Variants in COL4A1 observed in about 807,000 individuals in gnomAD.
COL4A1 encodes collagen type IV alpha 1 chain, also known as collagen alpha-1(IV) chain.
A neutral mutation model predicts 216.6 loss-of-function variants in COL4A1; 40 were observed. The observed-to-expected ratio is 0.18, with a 90% CI of 0.14 to 0.24. The LOEUF (loss-of-function observed/expected upper bound fraction) is 0.24. Among genes scored for constraint, COL4A1 ranks in the 10% least tolerant of loss-of-function variants. The probability of loss-of-function intolerance (pLI) is 1.00; values close to 1 mark genes in which losing one functional copy is unlikely to be tolerated. For synonymous variants in COL4A1, 839 were observed against 810.7 expected (o/e 1.03, Z -0.59); for missense variants, 1,628 against 2,196.8 (o/e 0.74, Z 5.18).
chr13:110,181,404 C>CAAA lies in COL4A1; in HGVS notation c.2096-18_2096-16dup. ...GCCGTCAACACCTGTTTTAAAGAGT[C>CAAA]AAAAAAAAAAAACAAACAAACAATC... On this transcript the variant is annotated splice_polypyrimidine_tract_variant and intron_variant, in intron 28 of 51. Transcript: ENST00000375820. The CAAA allele has an allele frequency of 1.3e-5, 16 of 1,241,068 alleles. No individual in the cohort carries two copies. Among genetic ancestry groups the CAAA allele is most frequent in the Non-Finnish European group, 1.7e-5 (15 of 892,510 alleles). 76.9% of individuals were successfully genotyped at this position (1,241,068 alleles called of 1,614,324 possible). A position where few individuals can be genotyped will look rare whatever the true frequency, so the allele number is the denominator to read the frequency against.
At chr13:110,234,962 T>C (rs543196769) in intron 2 of COL4A1, among the ~76,000 whole-genome samples, 2 of 152,342 alleles carry the variant, frequency 1.3e-5, no homozygotes, top group Non-Finnish European at 2.9e-5. Context: ...AAACAAAGCT[T>C]ATATTTATTT....
intron 1 of COL4A1, among the ~76,000 whole-genome samples, chr13:110,302,354 G>A (rs764029662): frequency 1.9e-4 from 29 of 150,914 alleles, no homozygotes; most frequent in African/African-American, 3.9e-4. Flanking sequence ...GAGGCGTCGC[G>A]TGGAAATGTG....
At chr13:110,237,131 G>A (rs1258887102) in intron 2 of COL4A1, among the ~76,000 whole-genome samples, 1 of 152,182 alleles carries the variant, frequency 6.6e-6, no homozygotes, top group Non-Finnish European at 1.5e-5. Context: ...AAGGCTTGCT[G>A]TCCTTGGCAG....
chr13:110,175,954 G>T (rs574807290), intron 36 of COL4A1, among the ~76,000 whole-genome samples: 133 of 152,278 alleles, frequency 8.7e-4, no homozygotes, highest in Non-Finnish European at 1.5e-3. Flanking sequence ...AGCCCTTCCC[G>T]CACTCTCCTC....
intron 2 of COL4A1, among the ~76,000 whole-genome samples, chr13:110,235,379 A>G (rs534942526): frequency 2.9e-4 from 44 of 152,332 alleles, no homozygotes; most frequent in East Asian, 9.6e-4. Context: ...TGCCGGGCGC[A>G]GTGGCTCACG....
intron 2 of COL4A1, among the ~76,000 whole-genome samples, chr13:110,221,715 G>GA (rs528769748): frequency 2.0e-4 from 30 of 152,176 alleles, no homozygotes; most frequent in African/African-American, 6.3e-4. Flanking sequence ...TCTTTTTTCA[G>GA]AAAAAACAGT....
intron 1 of COL4A1, 99 bp from the exon 2 acceptor site, chr13:110,242,833 C>A: frequency 1.6e-6 from 2 of 1,290,254 alleles, no homozygotes; most frequent in Non-Finnish European, 2.2e-6. Flanking sequence ...TGTTTATGAG[C>A]GAAGCCTGCC....
chr13:110,249,094 G>C (rs1419641462), intron 1 of COL4A1, among the ~76,000 whole-genome samples: 1 of 152,074 alleles, frequency 6.6e-6, no homozygotes, highest in African/African-American at 2.4e-5. Context: ...TCCAGAGAGA[G>C]CACACTCTGT....
At chr13:110,251,765 G>A (rs1882084445) in intron 1 of COL4A1, among the ~76,000 whole-genome samples, 1 of 152,228 alleles carries the variant, frequency 6.6e-6, no homozygotes, top group African/African-American at 2.4e-5. Context: ...AATTAAGACA[G>A]CACATTCCTG....
chr13:110,152,242 T>C, intron 51 of COL4A1, 92 bp downstream of exon 51: 2 of 1,564,812 alleles, frequency 1.3e-6, no homozygotes, highest in Non-Finnish European at 1.7e-6. Flanking sequence ...TCTTTGAGAC[T>C]TTGCATTGGA....
chr13:110,278,776 G>A (rs1025240629), intron 1 of COL4A1, among the ~76,000 whole-genome samples: 1 of 152,002 alleles, frequency 6.6e-6, no homozygotes, highest in Non-Finnish European at 1.5e-5. Flanking sequence ...TCCCAGCCAC[G>A]CCTCTTGACA....
chr13:110,301,812 T>G (rs1884505149), intron 1 of COL4A1, among the ~76,000 whole-genome samples: 1 of 151,572 alleles, frequency 6.6e-6, no homozygotes, highest in South Asian at 2.1e-4. Context: ...TGTCGAGGAG[T>G]AGCAAGGAAC....
Position 110,177,172 on chromosome 13 carries a change from T to C in COL4A1, c.2717-135A>G. 5 of 1,450,974 alleles carry C rather than the reference T, an allele frequency of 3.4e-6. No individual in the cohort carries two copies. In the South Asian group the frequency reaches 4.9e-5, roughly 14 times the overall value. The allele number at this position is 1,450,974 out of a possible 1,614,324, so 89.9% of individuals were successfully genotyped here. On this transcript the variant is annotated intron_variant, in intron 33 of 51. Coordinates refer to ENST00000375820, the MANE Select transcript of COL4A1 (RefSeq NM_001845.6). ...CACTCATAACTTGTCCAAAATGGCA[T>C]TAATGGCCAGTGTCTGAGACACAGA...
Position 110,181,338 on chromosome 13 carries a change from G to C in COL4A1, c.2147C>G (p.Pro716Arg), listed in dbSNP as rs199961869. 6 of 1,613,798 alleles carry C rather than the reference G, an allele frequency of 3.7e-6. No individual in the cohort carries two copies. Among genetic ancestry groups the C allele is most frequent in the Non-Finnish European group, 5.1e-6 (6 of 1,179,936 alleles). Residue 716 changes from proline to arginine, a missense_variant, in exon 29 of 52, where the codon CCG becomes CGG. Coordinates refer to ENST00000375820, the MANE Select transcript of COL4A1 (RefSeq NM_001845.6). ...DMGPPGTPGR[P>R]GFNGLPGNPG... ...GTTCCCAGGTAAGCCATTAAATCCC[G>C]GGCGACCTGGAGTCCCCGGTGGCCC... is the stretch of plus-strand genomic sequence containing the variant.
Position 110,150,240 on chromosome 13 carries a change from A to G in COL4A1, c.*123T>C. The G allele has an allele frequency of 1.1e-6, 1 of 916,816 alleles. No individual in the cohort carries two copies. Among genetic ancestry groups the G allele is most frequent in the Non-Finnish European group, 1.7e-6 (1 of 578,584 alleles). The allele number at this position is 916,816 out of a possible 1,614,324, so 56.8% of individuals were successfully genotyped here. On this transcript the variant is annotated 3_prime_UTR_variant, in exon 52 of 52. Coordinates refer to ENST00000375820, the MANE Select transcript of COL4A1 (RefSeq NM_001845.6). The stretch of plus-strand genomic sequence containing the variant: ...TGTGTTAGTTACGCAAATTCCTATA[A>G]GGCACTTTACGGTTTTCATATTGGA...
chr13:110,167,282 C>A, intron 43 of COL4A1, 52 bp from the exon 44 acceptor site: 4 of 1,372,392 alleles, frequency 2.9e-6, no homozygotes, highest in Non-Finnish European at 4.2e-6. Context: ...TAGGTTAAGT[C>A]TCTCCAGTAA....
chr13:110,283,881 G>A (rs1406755944), intron 1 of COL4A1, among the ~76,000 whole-genome samples: 1 of 152,196 alleles, frequency 6.6e-6, no homozygotes, highest in Non-Finnish European at 1.5e-5. Context: ...TGGCAAAGCT[G>A]TCACATGTCG....
At chr13:110,222,328 C>G (rs373859359) in intron 2 of COL4A1, among the ~76,000 whole-genome samples, 2 of 152,150 alleles carry the variant, frequency 1.3e-5, no homozygotes, top group Non-Finnish European at 2.9e-5. Flanking sequence ...GGATCCAGCC[C>G]GTGACAGGCC....
chr13:110,163,716 A>G (rs531886343), intron 46 of COL4A1, among the ~76,000 whole-genome samples, 155 bp from the exon 47 acceptor site: 1,846 of 152,004 alleles, frequency 0.012, 32 homozygotes, highest in African/African-American at 0.042. Context: ...GTTGCTTCCC[A>G]CAAAGTCGAG....
Sources: allele counts gnomAD v4.1 joint callset (sites outside exome capture counted in the v4.1 genomes callset), GRCh38; gene constraint gnomAD v4.1.1; transcripts MANE v1.5; gene names NCBI Gene and HGNC (gene_info 2026-07-23, HGNC 2026-07-21).